Variants in GPR83 observed in about 807,000 individuals in gnomAD.
GPR83 encodes G protein-coupled receptor 83.
Under a neutral mutation model 28.0 loss-of-function variants are expected in GPR83, and 23 were observed. The ratio of observed to expected loss-of-function variants is 0.82; its 90% CI spans 0.59 to 1.16. The LOEUF is 1.16. Ranked by LOEUF, GPR83 falls within the 50% of genes most tolerant of loss-of-function variation. The pLI, the probability that GPR83 is intolerant of heterozygous loss-of-function variation, is 0.00. For missense variants in GPR83, 610 were observed against 536.6 expected (o/e 1.14, Z -1.35); for synonymous variants, 234 against 215.4 (o/e 1.09, Z -0.76).
At chr11:94,393,402 T>G in intron 3 of GPR83, 83 bp downstream of exon 3, 1 of 1,315,886 alleles carries the variant, frequency 7.6e-7, no homozygotes, top group Non-Finnish European at 1.1e-6. Context: ...TGTGAGCTCC[T>G]GGGGGCCTCA....
chr11:94,380,787 G>T lies in GPR83; in HGVS notation c.648-14C>A. The T allele has an allele frequency of 6.3e-7, 1 of 1,597,306 alleles. No individual in the cohort carries two copies. Among genetic ancestry groups the T allele is most frequent in the Non-Finnish European group, 8.5e-7 (1 of 1,171,726 alleles). On this transcript the variant is annotated splice_polypyrimidine_tract_variant and intron_variant, in intron 3 of 3. Coordinates refer to ENST00000243673, the MANE Select transcript of GPR83 (RefSeq NM_016540.4). The stretch of plus-strand genomic sequence containing the variant: ...ACAATGTCCTCACTGGGGGCAGGAA[G>T]TGGGGAGGGGGAGAGAGGTAACAGA...
Position 94,400,604 on chromosome 11 carries a change from C to CAG in GPR83, c.387+255_387+256dup, listed in dbSNP as rs529483832. 5.1e-3 allele frequency among the ~76,000 whole-genome samples: 758 copies of CAG among 147,720 alleles called. 1 individual carries two copies. Among genetic ancestry groups the CAG allele is most frequent in the Middle Eastern group, 0.015 (4 of 270 alleles). On this transcript the variant is annotated intron_variant, in intron 1 of 3. Transcript: ENST00000243673. The stretch of plus-strand genomic sequence containing the variant: ...ATAGAGAAGAGAGACAGAAAGACTT[C>CAG]AGAGAGAGAGACAGAGACTGAAAGA...
Position 94,397,058 on chromosome 11 carries a change from AG to A in GPR83, c.388-535del, listed in dbSNP as rs574652869. The stretch of plus-strand genomic sequence containing the variant: ...TTGGTCCACACAAGTTCACTCTAGT[AG>A]GGGAGACATATCTGAATTGTCACAA... On this transcript the variant is annotated intron_variant, in intron 1 of 3. Coordinates refer to ENST00000243673, the MANE Select transcript of GPR83 (RefSeq NM_016540.4). Among the ~76,000 whole-genome samples the A allele has an allele frequency of 2.3e-3, 345 of 152,308 alleles. 2 individuals carry two copies. Among genetic ancestry groups the A allele is most frequent in the African/African-American group, 7.8e-3 (325 of 41,562 alleles).
At chr11:94,389,647 A>G (rs1383744496) in intron 3 of GPR83, among the ~76,000 whole-genome samples, 6 of 152,172 alleles carry the variant, frequency 3.9e-5, no homozygotes, top group Admixed American at 1.3e-4. Flanking sequence ...TTAGAATGGC[A>G]ATCATTAAAA....
intron 2 of GPR83, among the ~76,000 whole-genome samples, chr11:94,394,654 T>C (rs1383806198): frequency 5.9e-5 from 9 of 152,084 alleles, no homozygotes; most frequent in African/African-American, 9.7e-5. Flanking sequence ...CCCAATGTTT[T>C]CAAGGTTTTA....
chr11:94,385,788 AG>A (rs1944748058), intron 3 of GPR83, among the ~76,000 whole-genome samples: 1 of 152,244 alleles, frequency 6.6e-6, no homozygotes, highest in Non-Finnish European at 1.5e-5. Context: ...GATATTATCC[AG>A]GAGAAATTCC....
chr11:94,397,672 A>C (rs571042548), intron 1 of GPR83, among the ~76,000 whole-genome samples: 1 of 152,380 alleles, frequency 6.6e-6, no homozygotes, highest in African/African-American at 2.4e-5. Context: ...TAAAGTAGGT[A>C]CAACAGTGCC....
intron 3 of GPR83, among the ~76,000 whole-genome samples, chr11:94,392,720 G>A (rs1249764626): frequency 1.3e-5 from 2 of 152,022 alleles, no homozygotes; most frequent in Non-Finnish European, 2.9e-5. Flanking sequence ...CAGCTACTTG[G>A]GAAGCTGAGG....
rs1427265217 is a variant in GPR83, at chr11:94,401,064, C to T, written c.184G>A (p.Gly62Ser). The T allele has an allele frequency of 1.9e-6, 3 of 1,614,204 alleles. No homozygotes were observed. Among genetic ancestry groups the T allele is most frequent in the Non-Finnish European group, 2.5e-6 (3 of 1,180,004 alleles). Residue 62 changes from glycine to serine, a missense_variant, in exon 1 of 4, where the codon GGC (glycine) becomes AGC (serine). Transcript: ENST00000243673. Reference sequence around the variant, plus strand: ...ACCGTGGGGTTCTGGGACTCAGCGCCGTAGCGCCTCCTGCCCACAAAGTTC... The same window carrying T: ...ACCGTGGGGTTCTGGGACTCAGCGCTGTAGCGCCTCCTGCCCACAAAGTTC... ...WQNFVGRRRY[G>S]AESQNPTVKA...
chr11:94,380,659 G>A lies in GPR83; in HGVS notation c.762C>T (p.Ile254=). The A allele has an allele frequency of 6.2e-7, 1 of 1,614,048 alleles. No homozygotes were observed. Among genetic ancestry groups the A allele is most frequent in the South Asian group, 1.1e-5 (1 of 91,050 alleles). ...CCACACGAGCGTAGGCCACAGAGATGATGAGGAGGGGCAGGATGTAGAGCA... is the reference window on the plus strand; with the variant it reads ...CCACACGAGCGTAGGCCACAGAGATAATGAGGAGGGGCAGGATGTAGAGCA... ...FILLYILPLL[I]ISVAYARVAK... is the part of the protein sequence containing the mutation. The change falls in exon 4 of 4, where the codon ATC becomes ATT. Residue 254 remains isoleucine, a synonymous_variant. Coordinates refer to ENST00000243673, the MANE Select transcript of GPR83 (RefSeq NM_016540.4).
intron 3 of GPR83, among the ~76,000 whole-genome samples, chr11:94,387,644 T>G (rs1944773922): frequency 1.3e-5 from 2 of 152,138 alleles, no homozygotes; most frequent in African/African-American, 4.8e-5. Context: ...GTTGAATCTC[T>G]GAATAGACCA....
chr11:94,379,788 G>A lies in GPR83; in HGVS notation c.*361C>T, dbSNP rs78035409. The A allele has an allele frequency of 0.12, 20,546 of 170,370 alleles. 1,567 individuals are homozygous for A. Among genetic ancestry groups the A allele is most frequent in the Admixed American group, 0.17 (2,839 of 16,682 alleles). 10.6% of individuals were successfully genotyped at this position (170,370 alleles called of 1,614,324 possible). On this transcript the variant is annotated 3_prime_UTR_variant, in exon 4 of 4. Transcript: ENST00000243673. ...CAAAGTATGATTTAGGTCTCCCTTAGGGATGCTCAGCAGTAGGAAGGGCTG... is the reference window on the plus strand; with the variant it reads ...CAAAGTATGATTTAGGTCTCCCTTAAGGATGCTCAGCAGTAGGAAGGGCTG...
rs1944647634 is a variant in GPR83 at position 94,378,766 on chromosome 11, G to C, written c.*1383C>G. On this transcript the variant is annotated 3_prime_UTR_variant, in exon 4 of 4. Coordinates refer to ENST00000243673, the MANE Select transcript of GPR83 (RefSeq NM_016540.4). ...ACAATTACTTCCAGCATATTGGAAAGCCTGCTCCCTCATCTCTTGTGAAAA... is the reference window on the plus strand; with the variant it reads ...ACAATTACTTCCAGCATATTGGAAACCCTGCTCCCTCATCTCTTGTGAAAA... 6.6e-6 allele frequency: 1 copy of C among 152,640 alleles called. No individual in the cohort carries two copies. The highest frequency in any genetic ancestry group is 2.1e-4 in the South Asian group (1 of 4,830). 9.5% of individuals were successfully genotyped at this position (152,640 alleles called of 1,614,324 possible).
chr11:94,392,410 C>A (rs189359310), intron 3 of GPR83, among the ~76,000 whole-genome samples: 2 of 151,978 alleles, frequency 1.3e-5, no homozygotes, highest in East Asian at 1.9e-4. Flanking sequence ...CACCATGGCA[C>A]GTGTATACCA....
intron 3 of GPR83, among the ~76,000 whole-genome samples, chr11:94,387,800 A>G (rs1455887739): frequency 6.6e-6 from 1 of 151,628 alleles, no homozygotes; most frequent in Non-Finnish European, 1.5e-5. Context: ...TCAATAGAAA[A>G]AGAGGGAATC....
In GPR83 at chr11:94,379,370, C is replaced by CAAAAAAAAAAAAAAAAAA. The variant is rs200200146; in HGVS notation, c.*778_*779insTTTTTTTTTTTTTTTTTT. 1.9e-5 allele frequency: 1 copy of CAAAAAAAAAAAAAAAAAA among 53,722 alleles called. No individual in the cohort carries two copies. Among genetic ancestry groups the CAAAAAAAAAAAAAAAAAA allele is most frequent in the Non-Finnish European group, 3.8e-5 (1 of 26,616 alleles). The allele number at this position is 53,722 out of a possible 1,614,324, so 3.3% of individuals were successfully genotyped here. On this transcript the variant is annotated 3_prime_UTR_variant, in exon 4 of 4. Transcript: ENST00000243673. Reference sequence around the variant, plus strand: ...TGGGTGACAGAGCGAGATTCCATCTCAAAAAAAAAAAAAAAAAGAAAAAAA... The same window carrying CAAAAAAAAAAAAAAAAAA: ...TGGGTGACAGAGCGAGATTCCATCTCAAAAAAAAAAAAAAAAAAAAAAAAAAAAAAAAAAAGAAAAAAA...
At position 94,380,027 on chromosome 11, in the gene GPR83, A is replaced by G; in HGVS notation, c.*122T>C. 2.7e-6 allele frequency: 2 copies of G among 745,156 alleles called. No homozygotes were observed. Among genetic ancestry groups the G allele is most frequent in the Middle Eastern group, 2.5e-4 (1 of 4,012 alleles). The allele number at this position is 745,156 out of a possible 1,614,324, so 46.2% of individuals were successfully genotyped here. ...GGCTGGACAGTTTCCTAGGAATTCA[A>G]GAGTCCTACAGCTTCTGCAGGAGTG... On this transcript the variant is annotated 3_prime_UTR_variant, in exon 4 of 4. Coordinates refer to ENST00000243673, the MANE Select transcript of GPR83 (RefSeq NM_016540.4).
chr11:94,382,627 G>A (rs1944704804), intron 3 of GPR83, among the ~76,000 whole-genome samples: 1 of 152,084 alleles, frequency 6.6e-6, no homozygotes, highest in Non-Finnish European at 1.5e-5. Flanking sequence ...AGATCAATGA[G>A]ACAGAAAATT....
intron 1 of GPR83, among the ~76,000 whole-genome samples, chr11:94,396,740 G>C (rs1024609340): frequency 6.6e-6 from 1 of 152,074 alleles, no homozygotes; most frequent in Admixed American, 6.5e-5. Context: ...TCTGGGCCAG[G>C]CTCCATTAGG....
Sources: allele counts gnomAD v4.1 joint callset (sites outside exome capture counted in the v4.1 genomes callset), GRCh38; gene constraint gnomAD v4.1.1; transcripts MANE v1.5; gene names NCBI Gene and HGNC (gene_info 2026-07-23, HGNC 2026-07-21).